MAP4: variants seen among roughly 807,000 people sequenced by gnomAD.
The protein encoded by MAP4 is microtubule associated protein 4.
In MAP4, 76 loss-of-function variants were observed where a neutral mutation model predicts 170.2. The ratio of observed to expected loss-of-function variants is 0.45; its 90% CI spans 0.37 to 0.54. The LOEUF (loss-of-function observed/expected upper bound fraction) is 0.54, where lower values mean the gene tolerates loss of function less well. Among genes scored for constraint, MAP4 ranks in the 20% least tolerant of loss-of-function variants. MAP4 has a pLI of 0.00. For synonymous variants in MAP4, 909 were observed against 994.5 expected, an observed-to-expected ratio of 0.91 and a Z score of 1.62; for missense variants, 2,506 against 2,748.0, an observed-to-expected ratio of 0.91 and a Z score of 1.97.
At chr3:47,881,445 A>ACT (rs2096689817) in intron 10 of MAP4, among the ~76,000 whole-genome samples, 2 of 42,328 alleles carry the variant, frequency 4.7e-5, no homozygotes, top group Admixed American at 3.0e-4. Flanking sequence ...AGAAAAAACA[A>ACT]CTATATATAT....
chr3:47,938,714 A>G (rs2100054523), intron 3 of MAP4, among the ~76,000 whole-genome samples: 1 of 152,176 alleles, frequency 6.6e-6, no homozygotes, highest in African/African-American at 2.4e-5. Context: ...TGGCTTTGCC[A>G]CAGGCTAACC....
rs2092004186 is a variant in MAP4, at chr3:47,871,072, C to T, written c.6035G>A (p.Ser2012Asn). The T allele has an allele frequency of 1.9e-6, 3 of 1,609,492 alleles. No individual in the cohort carries two copies. Among genetic ancestry groups the T allele is most frequent in the African/African-American group, 2.7e-5 (2 of 74,762 alleles). Residue 2012 changes from serine to asparagine, a missense_variant, in exon 15 of 21, where the codon AGT becomes AAT. Ser to Asn is a conservative substitution (Grantham distance 46). Transcript: ENST00000683076. ...GAGAGTGGTGGTTTTCTTCATGGAA[C>T]TGGTGGAGGTGCTCTTTGGGCGACT... Reference protein sequence around the residue: ...DLSRPKSTSTSSMKKTTTLSG... With the variant: ...DLSRPKSTSTNSMKKTTTLSG...
At chr3:47,871,425 G>C in intron 13 of MAP4, 139 bp from the exon 14 acceptor site, 1 of 733,616 alleles carries the variant, frequency 1.4e-6, no homozygotes. Flanking sequence ...CCTGGGAATG[G>C]AGTGGTAAAT....
chr3:47,895,474 TTC>T (rs1410436791), intron 10 of MAP4, among the ~76,000 whole-genome samples: 4 of 152,224 alleles, frequency 2.6e-5, no homozygotes, highest in Non-Finnish European at 5.9e-5. Context: ...TCAGTAACCT[TTC>T]TGTCTCATGC....
intron 10 of MAP4, among the ~76,000 whole-genome samples, chr3:47,879,698 C>T (rs986654435): frequency 6.6e-6 from 1 of 152,122 alleles, no homozygotes; most frequent in Non-Finnish European, 1.5e-5. Context: ...ACCTTAGCCT[C>T]CCAAAGTGCT....
At chr3:47,905,545 C>CAAA (rs569453520) in intron 9 of MAP4, among the ~76,000 whole-genome samples, 1 of 129,446 alleles carries the variant, frequency 7.7e-6, no homozygotes, top group African/African-American at 2.8e-5. Flanking sequence ...ACAACAACAA[C>CAAA]AAAAAAAAAA....
At chr3:48,066,786 C>T (rs368982147) in intron 1 of MAP4, among the ~76,000 whole-genome samples, 1 of 147,556 alleles carries the variant, frequency 6.8e-6, no homozygotes, top group Non-Finnish European at 1.5e-5. Flanking sequence ...TAGCTGTCCC[C>T]ACCTCTTTAT....
chr3:47,863,935 T>TGGGG (rs1210344915), intron 17 of MAP4, among the ~76,000 whole-genome samples: 1 of 102,356 alleles, frequency 9.8e-6, no homozygotes, highest in African/African-American at 3.8e-5. Context: ...TGTGTGTGTG[T>TGGGG]GTGGGGAGTG....
At chr3:47,942,298 T>C (rs2100057015) in intron 3 of MAP4, among the ~76,000 whole-genome samples, 1 of 152,112 alleles carries the variant, frequency 6.6e-6, no homozygotes, top group Non-Finnish European at 1.5e-5. Flanking sequence ...CTGGCAAAGG[T>C]GCTTCACAGA....
At chr3:47,951,793 G>A (rs542890913) in intron 3 of MAP4, among the ~76,000 whole-genome samples, 6,530 of 150,742 alleles carry the variant, frequency 0.043, 441 homozygotes, top group African/African-American at 0.15. Flanking sequence ...AGTGAGGAGC[G>A]TCTCTGCCTG....
rs2100097494 is a variant in MAP4, at chr3:47,998,710, G to A, written c.151C>T (p.Leu51=). 1 of 1,614,126 alleles carries A rather than the reference G, an allele frequency of 6.2e-7. No homozygotes were observed. The highest frequency in any genetic ancestry group is 8.5e-7 in the Non-Finnish European group (1 of 1,179,988). Residue 51 remains leucine (L), a synonymous_variant, in exon 2 of 21, where the codon CTG becomes TTG. Transcript: ENST00000683076. ...TTCCCGGTTTTCTCATCAACATCCA[G>A]GAGAGGAATATAGTCTGTTTTTCCA... ...TVGKTDYIPL[L]DVDEKTGNSE...
At chr3:47,946,654 CAAAAAA>C (rs11427271) in intron 3 of MAP4, among the ~76,000 whole-genome samples, 5 of 40,814 alleles carry the variant, frequency 1.2e-4, no homozygotes, top group Admixed American at 3.3e-4. Context: ...AACTCCGTCT[CAAAAAA>C]AAAAAAAAAA....
intron 2 of MAP4, among the ~76,000 whole-genome samples, chr3:47,990,831 A>C: frequency 2.7e-5 from 1 of 36,960 alleles, no homozygotes; most frequent in East Asian, 9.2e-4. Flanking sequence ...GAAGTACATA[A>C]TTTTCTTTTT....
intron 1 of MAP4, among the ~76,000 whole-genome samples, chr3:48,000,396 T>C (rs1200971720): frequency 6.6e-6 from 1 of 152,160 alleles, no homozygotes; most frequent in Non-Finnish European, 1.5e-5. Flanking sequence ...GCTATGTTGT[T>C]GACAAGGTAA....
At chr3:47,871,348 A>G (rs2092574847) in intron 13 of MAP4, 62 bp from the exon 14 acceptor site, 1 of 1,288,746 alleles carries the variant, frequency 7.8e-7, no homozygotes, top group African/African-American at 1.5e-5. Context: ...TAGTTCATCC[A>G]ATAGTGAGAT....
At chr3:47,857,919 A>G (rs1376593588) in intron 17 of MAP4, among the ~76,000 whole-genome samples, 1 of 151,936 alleles carries the variant, frequency 6.6e-6, no homozygotes, top group African/African-American at 2.4e-5. Flanking sequence ...CATGTTGGCC[A>G]GGCTGGTCTC....
chr3:47,883,445 G>A lies in MAP4; in HGVS notation c.5435-5922C>T, dbSNP rs1329012627. On this transcript the variant is annotated intron_variant, in intron 10 of 20. Coordinates refer to ENST00000683076, the MANE Select transcript of MAP4 (RefSeq NM_001385682.1). ...TCTCCATGTTGGTCAGGCTGGTCTC[G>A]AACTCCCGACCTCAGATGATCCACC... Among the ~76,000 whole-genome samples, 6 of 151,944 alleles carry A rather than the reference G, an allele frequency of 3.9e-5. No individual in the cohort carries two copies. The East Asian group carries it at 5.8e-4, about 15-fold the overall frequency.
chr3:48,018,920 G>A (rs192582656), upstream of MAP4, among the ~76,000 whole-genome samples: 4 of 152,308 alleles, frequency 2.6e-5, no homozygotes, highest in East Asian at 3.9e-4. Flanking sequence ...AGGAGTAACC[G>A]TACGAACCAG....
At chr3:47,963,784 A>G (rs1487519971) in intron 3 of MAP4, among the ~76,000 whole-genome samples, 1 of 152,226 alleles carries the variant, frequency 6.6e-6, no homozygotes, top group African/African-American at 2.4e-5. Flanking sequence ...GGAAAGGCAG[A>G]TGAGATAAGT....
Sources: gnomAD v4.1 joint callset for allele counts (sites outside exome capture counted in the v4.1 genomes callset) on GRCh38, gnomAD v4.1.1 for gene constraint, MANE v1.5 for transcripts, NCBI Gene and HGNC (gene_info 2026-07-23, HGNC 2026-07-21) for gene names.